Variants in EPB41L2 observed in about 807,000 individuals in gnomAD.
The protein encoded by EPB41L2 is erythrocyte membrane protein band 4.1 like 2.
A neutral mutation model predicts 113.0 loss-of-function variants in EPB41L2; 43 were observed. The observed-to-expected ratio is 0.38, with a 90% CI of 0.30 to 0.49. EPB41L2 has a LOEUF of 0.49. Ranked by LOEUF, EPB41L2 falls within the 20% of genes least tolerant of loss-of-function variation. The probability of loss-of-function intolerance (pLI) is 0.95; values close to 1 mark genes in which losing one functional copy is unlikely to be tolerated. For synonymous variants in EPB41L2, 442 were observed against 436.7 expected (o/e 1.01, Z -0.15); for missense variants, 1,147 against 1,223.4 (o/e 0.94, Z 0.93).
chr6:130,840,547 C>T lies in EPB41L2; in HGVS notation c.*57G>A, dbSNP rs187556692. The T allele has an allele frequency of 7.8e-6, 1 of 128,996 alleles. No individual in the cohort carries two copies. The highest frequency in any genetic ancestry group is 2.9e-5 in the African/African-American group (1 of 34,428). The allele number at this position is 128,996 out of a possible 1,614,324, so 8.0% of individuals were successfully genotyped here. The stretch of plus-strand genomic sequence containing the variant: ...GTGTGGCATTAAGACTTGGAACGGT[C>T]AAAAAATCTTCAGGGGTTCACAAAG... On this transcript the variant is annotated 3_prime_UTR_variant, in exon 20 of 20. Coordinates refer to ENST00000337057, the MANE Select transcript of EPB41L2 (RefSeq NM_001431.4).
chr6:130,874,274 A>T (rs570662153), intron 14 of EPB41L2, among the ~76,000 whole-genome samples: 124 of 146,806 alleles, frequency 8.4e-4, no homozygotes, highest in Middle Eastern at 3.4e-3. Context: ...TTTTTTTTTT[A>T]AAAAGAAACT....
At chr6:131,013,469 C>A (rs75705264) in intron 1 of EPB41L2, 37 of 152,168 alleles carry the variant, frequency 2.4e-4, no homozygotes, top group African/African-American at 8.7e-4. Flanking sequence ...AGCTAAAATA[C>A]CATTTTCAAG....
At chr6:130,952,741 C>T (rs1021363455) in intron 3 of EPB41L2, among the ~76,000 whole-genome samples, 2 of 151,186 alleles carry the variant, frequency 1.3e-5, no homozygotes, top group African/African-American at 2.4e-5. Flanking sequence ...ACCAGAAAGT[C>T]AGAGGATGCA....
At chr6:130,990,576 A>T (rs1781588977) in intron 1 of EPB41L2, among the ~76,000 whole-genome samples, 1 of 152,194 alleles carries the variant, frequency 6.6e-6, no homozygotes, top group African/African-American at 2.4e-5. Flanking sequence ...TTAAAGATAA[A>T]AATATGGGAA....
In EPB41L2 at chr6:130,869,860, T is replaced by C; in HGVS notation, c.2310A>G (p.Glu770=). ...CCTCCACCTCTTCTTCATACTCCTG[T>C]TCCTCCCTGATGGTGCCCTCGGTCA... ...HRVTEGTIRE[E]QEYEEEVEEE... The change falls in exon 15 of 20, where the codon GAA becomes GAG. Residue 770 remains glutamate (E), a synonymous_variant. Coordinates refer to ENST00000337057, the MANE Select transcript of EPB41L2 (RefSeq NM_001431.4). 1.9e-6 allele frequency: 3 copies of C among 1,613,536 alleles called. No homozygotes were observed. The highest frequency in any genetic ancestry group is 2.5e-6 in the Non-Finnish European group (3 of 1,179,942).
rs564778876 is a variant in EPB41L2, at chr6:131,007,329, C to T, written c.-14-50830G>A. On this transcript the variant is annotated intron_variant, in intron 1 of 19. Coordinates refer to ENST00000337057, the MANE Select transcript of EPB41L2 (RefSeq NM_001431.4). ...CGCCCTGTGAGGAGGTGTCTTCCAC[C>T]GTAACTTTGTTTCCTGAGGCTTCCC... is the stretch of plus-strand genomic sequence containing the variant. 3.9e-5 allele frequency among the ~76,000 whole-genome samples: 6 copies of T among 152,278 alleles called. No homozygotes were observed. The South Asian group carries it at 6.2e-4, about 16-fold the overall frequency.
At chr6:130,856,093 T>G (rs1450482692) in intron 19 of EPB41L2, among the ~76,000 whole-genome samples, 1 of 152,192 alleles carries the variant, frequency 6.6e-6, no homozygotes. Flanking sequence ...TGGCTACTTA[T>G]GTAGGAAACT....
chr6:131,062,913 G>A (rs1584869105), intron 1 of EPB41L2, among the ~76,000 whole-genome samples: 1 of 152,146 alleles, frequency 6.6e-6, no homozygotes, highest in East Asian at 2.0e-4. Context: ...CCGGACCCCC[G>A]GGCAAGAATC....
At chr6:130,861,966 A>G (rs1350430358) in intron 18 of EPB41L2, among the ~76,000 whole-genome samples, 1 of 152,020 alleles carries the variant, frequency 6.6e-6, no homozygotes, top group East Asian at 1.9e-4. Context: ...AGTTTTAGAA[A>G]GGGCTGAAAC....
At chr6:130,984,417 T>G (rs9492776) in intron 1 of EPB41L2, among the ~76,000 whole-genome samples, 24,412 of 152,190 alleles carry the variant, frequency 0.16, 2,285 homozygotes, top group African/African-American at 0.24. Flanking sequence ...GGCTGTACAG[T>G]AGGTTTGTTA....
intron 1 of EPB41L2, among the ~76,000 whole-genome samples, chr6:130,969,559 CTATTCT>C (rs763699251): frequency 1.3e-5 from 2 of 152,028 alleles, no homozygotes; most frequent in African/African-American, 2.4e-5. Context: ...ATGTTGATAC[CTATTCT>C]TATTCTATCA....
intron 1 of EPB41L2, among the ~76,000 whole-genome samples, chr6:131,040,420 C>T (rs1009816863): frequency 3.3e-5 from 5 of 152,170 alleles, no homozygotes; most frequent in African/African-American, 7.2e-5. Flanking sequence ...GCCTGGGCAA[C>T]AGAACGAGAC....
At chr6:130,949,334 G>A (rs1814003710) in intron 3 of EPB41L2, among the ~76,000 whole-genome samples, 1 of 152,120 alleles carries the variant, frequency 6.6e-6, no homozygotes, top group Admixed American at 6.5e-5. Context: ...AGAGACAGTG[G>A]CTCATGCCTG....
chr6:130,980,623 T>C (rs1348571696), intron 1 of EPB41L2, among the ~76,000 whole-genome samples: 2 of 152,142 alleles, frequency 1.3e-5, no homozygotes, highest in Non-Finnish European at 2.9e-5. Context: ...ATGAAATTTA[T>C]AGGAGGCCAT....
chr6:130,973,648 A>G (rs1206119421), intron 1 of EPB41L2, among the ~76,000 whole-genome samples: 1 of 152,196 alleles, frequency 6.6e-6, no homozygotes, highest in African/African-American at 2.4e-5. Context: ...GCTCACTGAG[A>G]TAAATGCATA....
At chr6:130,971,185 C>T (rs531843432) in intron 1 of EPB41L2, among the ~76,000 whole-genome samples, 1 of 152,324 alleles carries the variant, frequency 6.6e-6, no homozygotes, top group South Asian at 2.1e-4. Context: ...GTGTGAGCCA[C>T]CGCGTCCGGC....
chr6:130,900,101 A>G (rs2128494941), intron 7 of EPB41L2, among the ~76,000 whole-genome samples: 1 of 152,364 alleles, frequency 6.6e-6, no homozygotes, highest in Middle Eastern at 3.4e-3. Context: ...AAAGAGCAAG[A>G]TCATGTCCCA....
chr6:131,008,961 T>C (rs1786273991), intron 1 of EPB41L2, among the ~76,000 whole-genome samples: 1 of 152,194 alleles, frequency 6.6e-6, no homozygotes, highest in Admixed American at 6.5e-5. Flanking sequence ...ACTTTGGACT[T>C]GGACTTTGAA....
rs760976730 is a variant in EPB41L2 at position 130,894,295 on chromosome 6, C to T, written c.1487+49G>A. 19 of 1,470,926 alleles carry T rather than the reference C, an allele frequency of 1.3e-5. No individual in the cohort carries two copies. The Admixed American group carries it at 2.2e-4, about 17-fold the overall frequency. 91.1% of individuals were successfully genotyped at this position (1,470,926 alleles called of 1,614,324 possible). A position where few individuals can be genotyped will look rare whatever the true frequency, so the allele number is the denominator to read the frequency against. ...TCTGCCTCCTGAGTCAGTGGAATTA[C>T]AGGCATGTGCGATCATGCCCGGCTT... On this transcript the variant is annotated intron_variant, in intron 10 of 19. Coordinates refer to ENST00000337057, the MANE Select transcript of EPB41L2 (RefSeq NM_001431.4).
Sources: allele counts gnomAD v4.1 joint callset (sites outside exome capture counted in the v4.1 genomes callset), GRCh38; gene constraint gnomAD v4.1.1; transcripts MANE v1.5; gene names NCBI Gene and HGNC (gene_info 2026-07-23, HGNC 2026-07-21).